PACSIN3: variants seen among roughly 807,000 people sequenced by gnomAD.
PACSIN3 encodes the protein protein kinase C and casein kinase substrate in neurons 3, also known as protein kinase C and casein kinase substrate in neurons protein 3.
In PACSIN3, 34 loss-of-function variants were observed where a neutral mutation model predicts 56.1. The ratio of observed to expected loss-of-function variants is 0.61; its 90% CI spans 0.46 to 0.81. The LOEUF (loss-of-function observed/expected upper bound fraction) is 0.81. Among genes scored for constraint, PACSIN3 ranks in the 30% least tolerant of loss-of-function variants. The probability of loss-of-function intolerance (pLI) is 0.00; values close to 1 mark genes in which losing one functional copy is unlikely to be tolerated. For missense variants in PACSIN3, 535 were observed against 592.4 expected, an observed-to-expected ratio of 0.90 and a Z score of 1.01; for synonymous variants, 218 against 229.8, an observed-to-expected ratio of 0.95 and a Z score of 0.46.
rs763464255 is a variant in PACSIN3 at position 47,177,863 on chromosome 11, C to T, written c.*68G>A. On this transcript the variant is annotated 3_prime_UTR_variant, in exon 11 of 11. Transcript: ENST00000298838. ...GCGACGGTTCAGGGCCCTGAGGGTCCGGCTCTCCAGGAGAAGCTGGGCTCT... is the reference window on the plus strand; with the variant it reads ...GCGACGGTTCAGGGCCCTGAGGGTCTGGCTCTCCAGGAGAAGCTGGGCTCT... 13 of 1,255,828 alleles carry T rather than the reference C, an allele frequency of 1.0e-5. No homozygotes were observed. Among genetic ancestry groups the T allele is most frequent in the African/African-American group, 8.8e-5 (6 of 67,864 alleles). The allele number at this position is 1,255,828 out of a possible 1,614,324, so 77.8% of individuals were successfully genotyped here.
chr11:47,177,524 GTGT>G lies in PACSIN3; in HGVS notation c.*404_*406del, dbSNP rs994064174. 5.1e-6 allele frequency: 1 copy of G among 194,908 alleles called. No homozygotes were observed. Among genetic ancestry groups the G allele is most frequent in the Non-Finnish European group, 1.0e-5 (1 of 95,976 alleles). The allele number at this position is 194,908 out of a possible 1,614,324, so 12.1% of individuals were successfully genotyped here. ...AAAAATGCACATGAGCCCGACAGTG[GTGT>G]TTTTGTTTTTGTGTGTGGGTGTGTG... On this transcript the variant is annotated 3_prime_UTR_variant, in exon 11 of 11. Coordinates refer to ENST00000298838, the MANE Select transcript of PACSIN3 (RefSeq NM_016223.5).
Position 47,178,080 on chromosome 11 carries a change from C to T in PACSIN3, c.1160-34G>A, listed in dbSNP as rs1200247371. ...AAGGGGATTGGTCACTGCCAGTGGC[C>T]CTGGCCCAGGCCCTGTTCCTGCAAC... On this transcript the variant is annotated intron_variant, in intron 10 of 10. Transcript: ENST00000298838. This position sits in a 1 kb window ranked among gnomAD's most constrained non-coding sequence, Gnocchi z 4.2. 1.9e-6 allele frequency: 3 copies of T among 1,564,490 alleles called. No homozygotes were observed. The highest frequency in any genetic ancestry group is 1.8e-6 in the Non-Finnish European group (2 of 1,138,716).
chr11:47,177,586 G>A lies in PACSIN3; in HGVS notation c.*345C>T. 1 of 327,010 alleles carries A rather than the reference G, an allele frequency of 3.1e-6. No individual in the cohort carries two copies. Among genetic ancestry groups the A allele is most frequent in the Non-Finnish European group, 5.7e-6 (1 of 175,728 alleles). 20.3% of individuals were successfully genotyped at this position (327,010 alleles called of 1,614,324 possible). On this transcript the variant is annotated 3_prime_UTR_variant, in exon 11 of 11. Transcript: ENST00000298838. The stretch of plus-strand genomic sequence containing the variant: ...TAATACACGCTAGAACAAGCCACAA[G>A]AGGGTGCTGCTAGGCCAGAACTACA...
In PACSIN3 at chr11:47,179,431, C is replaced by T; in HGVS notation, c.759G>A (p.Leu253=). 1 of 1,614,100 alleles carries T rather than the reference C, an allele frequency of 6.2e-7. No homozygotes were observed. The highest frequency in any genetic ancestry group is 8.5e-7 in the Non-Finnish European group (1 of 1,180,024). Residue 253 remains leucine (L), a synonymous_variant, in exon 7 of 11, where the codon CTG becomes CTA. Coordinates refer to ENST00000298838, the MANE Select transcript of PACSIN3 (RefSeq NM_016223.5). This position sits in a 1 kb window ranked among gnomAD's most constrained non-coding sequence, Gnocchi z 4.4. ...KDMLLTLHQH[L]DLSSSEKFHE... ...CATACTTCTCACTGCTGGAAAGGTC[C>T]AGGTGCTGGTGTAAGGTGAGCAGCA...
chr11:47,177,873 G>A lies in PACSIN3; in HGVS notation c.*58C>T. The A allele has an allele frequency of 7.3e-7, 1 of 1,365,464 alleles. No individual in the cohort carries two copies. The highest frequency in any genetic ancestry group is 1.2e-5 in the South Asian group (1 of 85,888). The allele number at this position is 1,365,464 out of a possible 1,614,324, so 84.6% of individuals were successfully genotyped here. A position where few individuals can be genotyped will look rare whatever the true frequency, so the allele number is the denominator to read the frequency against. On this transcript the variant is annotated 3_prime_UTR_variant, in exon 11 of 11. Transcript: ENST00000298838. ...AGGGCCCTGAGGGTCCGGCTCTCCA[G>A]GAGAAGCTGGGCTCTGAACCAGGGT...
chr11:47,181,249 G>A (rs1161119987), intron 4 of PACSIN3, among the ~76,000 whole-genome samples: 2 of 147,768 alleles, frequency 1.4e-5, no homozygotes, highest in African/African-American at 2.7e-5. Context: ...GTGACAGAGC[G>A]AGACTCTATC....
chr11:47,180,411 A>T, intron 5 of PACSIN3, 44 bp downstream of exon 5: 2 of 1,595,490 alleles, frequency 1.3e-6, no homozygotes, highest in Non-Finnish European at 1.7e-6. Context: ...TTGCAAACAA[A>T]CAGGAAGGAG....
intron 6 of PACSIN3, 57 bp downstream of exon 6, chr11:47,180,129 T>C: frequency 6.6e-7 from 1 of 1,517,644 alleles, no homozygotes; most frequent in Non-Finnish European, 9.0e-7. Context: ...GGGAGCAAGA[T>C]TCATTCAGGA....
rs1952924288 is a variant in PACSIN3 at position 47,178,142 on chromosome 11, G to T, written c.1160-96C>A. ...CTGAGGGGGATGGTGTGGTCCCAGA[G>T]CCCAGCTAGCAAAGACATGGCTCAG... On this transcript the variant is annotated intron_variant, in intron 10 of 10. Transcript: ENST00000298838. This position sits in a 1 kb window ranked among gnomAD's most constrained non-coding sequence, Gnocchi z 4.2. 2 of 1,248,576 alleles carry T rather than the reference G, an allele frequency of 1.6e-6. No individual in the cohort carries two copies. The highest frequency in any genetic ancestry group is 2.1e-5 in the Admixed American group (1 of 47,574). The allele number at this position is 1,248,576 out of a possible 1,614,324, so 77.3% of individuals were successfully genotyped here.
chr11:47,180,354 G>A lies in PACSIN3; in HGVS notation c.448-13C>T. The stretch of plus-strand genomic sequence containing the variant: ...TGGAAGCCTCAACCTGGCATGCATG[G>A]AGACCACTCTGGACCCTGGATGCCA... On this transcript the variant is annotated splice_polypyrimidine_tract_variant and intron_variant, in intron 5 of 10. Transcript: ENST00000298838. 1.2e-6 allele frequency: 2 copies of A among 1,601,554 alleles called. No homozygotes were observed. Among genetic ancestry groups the A allele is most frequent in the Non-Finnish European group, 1.7e-6 (2 of 1,179,954 alleles).
rs370811952 is a variant in PACSIN3, at chr11:47,182,754, C to T, written c.-27G>A. 35 of 1,603,452 alleles carry T rather than the reference C, an allele frequency of 2.2e-5. No individual in the cohort carries two copies. Among genetic ancestry groups the T allele is most frequent in the African/African-American group, 1.6e-4 (12 of 74,496 alleles). On this transcript the variant is annotated 5_prime_UTR_variant, in exon 3 of 11. Coordinates refer to ENST00000298838, the MANE Select transcript of PACSIN3 (RefSeq NM_016223.5). The stretch of plus-strand genomic sequence containing the variant: ...GTGTCCCCGCAGCACGGAATGGTGG[C>T]GGATTTGGGGCTGTGGAGGGCAGAG...
At position 47,180,538 on chromosome 11, in the gene PACSIN3, C is replaced by A; in HGVS notation, c.364G>T (p.Val122Leu). The stretch of plus-strand genomic sequence containing the variant: ...CGGCTCTCGCGGAAGCCGCCCAGCA[C>A]AGGCCGGTGGAAAGCCCCCCGCTGC... ...AWQRGAFHRP[V>L]LGGFRESRAA... is the part of the protein sequence containing the mutation. Residue 122 changes from valine to leucine, a missense_variant, in exon 5 of 11, where the codon GTG (valine) becomes TTG (leucine). Transcript: ENST00000298838. 3 of 1,604,190 alleles carry A rather than the reference C, an allele frequency of 1.9e-6. No individual in the cohort carries two copies. The highest frequency in any genetic ancestry group is 2.5e-6 in the Non-Finnish European group (3 of 1,179,570).
At chr11:47,181,485 C>T (rs943997128) in intron 4 of PACSIN3, among the ~76,000 whole-genome samples, 2 of 152,132 alleles carry the variant, frequency 1.3e-5, no homozygotes, top group Non-Finnish European at 2.9e-5. Flanking sequence ...CTTCCAGTTT[C>T]TCCTCTAGAA....
chr11:47,182,337 A>C, intron 4 of PACSIN3, 66 bp downstream of exon 4: 1 of 1,487,388 alleles, frequency 6.7e-7, no homozygotes, highest in Non-Finnish European at 9.0e-7. Flanking sequence ...CGAGACGTGC[A>C]AAAAGAAGCT....
chr11:47,180,249 G>C lies in PACSIN3; in HGVS notation c.540C>G (p.Val180=), dbSNP rs1952991966. 1 of 1,603,730 alleles carries C rather than the reference G, an allele frequency of 6.2e-7. No individual in the cohort carries two copies. Among genetic ancestry groups the C allele is most frequent in the Admixed American group, 1.7e-5 (1 of 60,012 alleles). Residue 180 remains valine, a synonymous_variant, in exon 6 of 11, where the codon GTC becomes GTG. Transcript: ENST00000298838. Reference sequence around the variant, plus strand: ...GCAGTTTGCGCAGCTGCTCCTGGGAGACGGCGCTGTCTGCCTTTGCGTGGC... The same window carrying C: ...GCAGTTTGCGCAGCTGCTCCTGGGACACGGCGCTGTCTGCCTTTGCGTGGC... ...RESHAKADSA[V]SQEQLRKLQE...
In PACSIN3 at chr11:47,179,233, T is replaced by G. The variant is rs1952965243; in HGVS notation, c.826A>C (p.Ser276Arg). The G allele has an allele frequency of 1.9e-6, 3 of 1,613,992 alleles. No homozygotes were observed. Among genetic ancestry groups the G allele is most frequent in the Admixed American group, 1.7e-5 (1 of 60,026 alleles). ...RDLHQGIEAA[S>R]DEEDLRWWRS... ...CACCAGCGCAGATCCTCTTCGTCAC[T>G]GGCTGCCTCAATGCCCTGGTGCAAG... is the stretch of plus-strand genomic sequence containing the variant. The change falls in exon 8 of 11, where the codon AGT (serine) becomes CGT (arginine). Residue 276 changes from serine to arginine, a missense_variant. Ser to Arg is a moderately radical substitution (Grantham distance 110). Coordinates refer to ENST00000298838, the MANE Select transcript of PACSIN3 (RefSeq NM_016223.5). The surrounding 1 kb of genome is among the most constrained non-coding windows in gnomAD (Gnocchi z 4.4).
Position 47,178,511 on chromosome 11 carries a change from C to T in PACSIN3, c.1038-24G>A. ...TGCTGGAGAGGGGAGGCAAAGGGAG[C>T]AGCTCAGAGTGCAAGGAACACGGGG... On this transcript the variant is annotated intron_variant, in intron 9 of 10. Coordinates refer to ENST00000298838, the MANE Select transcript of PACSIN3 (RefSeq NM_016223.5). The surrounding 1 kb of genome is among the most constrained non-coding windows in gnomAD (Gnocchi z 4.2). 1.9e-6 allele frequency: 3 copies of T among 1,611,238 alleles called. No homozygotes were observed. Among genetic ancestry groups the T allele is most frequent in the Non-Finnish European group, 2.5e-6 (3 of 1,178,756 alleles).
At chr11:47,181,034 G>C (rs550857612) in intron 4 of PACSIN3, among the ~76,000 whole-genome samples, 1 of 152,142 alleles carries the variant, frequency 6.6e-6, no homozygotes, top group Non-Finnish European at 1.5e-5. Context: ...AGGCCAAGGC[G>C]GGTGGATCAC....
chr11:47,180,814 C>A (rs1004985175), intron 4 of PACSIN3, 124 bp from the exon 5 acceptor site: 9 of 695,262 alleles, frequency 1.3e-5, no homozygotes, highest in Non-Finnish European at 2.1e-5. Flanking sequence ...TGAATGACAA[C>A]CCTGTCAGCT....
Sources: allele counts gnomAD v4.1 joint callset (sites outside exome capture counted in the v4.1 genomes callset), GRCh38; gene constraint gnomAD v4.1.1; non-coding constraint Gnocchi (gnomAD v3.1); transcripts MANE v1.5; gene names NCBI Gene and HGNC (gene_info 2026-07-23, HGNC 2026-07-21).